Variants in BMAL1 observed in about 807,000 individuals in gnomAD.
BMAL1 encodes the protein basic helix-loop-helix ARNT like 1.
chr11:13,365,540 G>C, the BMAL1 span: 1 of 1,613,716 alleles, frequency 6.2e-7, no homozygotes, highest in East Asian at 2.2e-5. Flanking sequence ...TGTGACCGAG[G>C]GAAGATACTC....
chr11:13,299,957 G>T, the BMAL1 span, among the ~76,000 whole-genome samples: 1 of 152,180 alleles, frequency 6.6e-6, no homozygotes, highest in Non-Finnish European at 1.5e-5. Flanking sequence ...GTGTCCGAGG[G>T]GCTGAAAGTT....
At chr11:13,290,169 G>A in the BMAL1 span, among the ~76,000 whole-genome samples, 1 of 152,140 alleles carries the variant, frequency 6.6e-6, no homozygotes, top group Non-Finnish European at 1.5e-5. Context: ...TCTGTTGGCT[G>A]CATAAATGTC....
the BMAL1 span, among the ~76,000 whole-genome samples, chr11:13,307,085 C>T: frequency 0.072 from 10,927 of 152,154 alleles, 510 homozygotes; most frequent in East Asian, 0.16. Context: ...TAATCTAGGC[C>T]GGATCGTCTG....
chr11:13,312,757 A>G, the BMAL1 span, among the ~76,000 whole-genome samples: 1 of 152,198 alleles, frequency 6.6e-6, no homozygotes, highest in African/African-American at 2.4e-5. Flanking sequence ...AGAATCTGGC[A>G]TGTAGTATGT....
At chr11:13,357,020 T>C in the BMAL1 span, 5 of 1,614,068 alleles carry the variant, frequency 3.1e-6, no homozygotes, top group African/African-American at 5.3e-5. This position sits in a 1 kb window ranked among gnomAD's most constrained non-coding sequence, Gnocchi z 4.8. Context: ...CTCCAGAGAA[T>C]TATGTTTTTA....
chr11:13,310,295 G>T, the BMAL1 span, among the ~76,000 whole-genome samples: 1 of 152,176 alleles, frequency 6.6e-6, no homozygotes, highest in Non-Finnish European at 1.5e-5. Context: ...GCGGGGGATG[G>T]ATGCAGCGGG....
At chr11:13,314,538 T>C in the BMAL1 span, among the ~76,000 whole-genome samples, 1 of 152,202 alleles carries the variant, frequency 6.6e-6, no homozygotes, top group East Asian at 1.9e-4. Context: ...GGAATGTCTC[T>C]TCTCTATATT....
At chr11:13,348,266 G>T in the BMAL1 span, among the ~76,000 whole-genome samples, 1 of 152,196 alleles carries the variant, frequency 6.6e-6, no homozygotes, top group Non-Finnish European at 1.5e-5. Context: ...TTAGTCTGTC[G>T]GGGGGCTTTG....
chr11:13,372,597 C>G, the BMAL1 span, among the ~76,000 whole-genome samples: 24 of 152,214 alleles, frequency 1.6e-4, no homozygotes, highest in Admixed American at 1.4e-3. Context: ...ATCACTTGAG[C>G]CCAGGAGTTT....
the BMAL1 span, among the ~76,000 whole-genome samples, chr11:13,341,501 G>C: frequency 6.6e-6 from 1 of 152,188 alleles, no homozygotes; most frequent in Admixed American, 6.5e-5. Flanking sequence ...AGCCTGTCTT[G>C]TTGGCATCCC....
the BMAL1 span, among the ~76,000 whole-genome samples, chr11:13,282,258 C>T: frequency 1.3e-3 from 203 of 152,332 alleles, no homozygotes; most frequent in Non-Finnish European, 2.1e-3. Flanking sequence ...TTCTTTTGCT[C>T]TCTATGCCTT....
At chr11:13,385,518 G>C in the BMAL1 span, among the ~76,000 whole-genome samples, 7 of 152,250 alleles carry the variant, frequency 4.6e-5, no homozygotes, top group East Asian at 7.7e-4. Flanking sequence ...TCGGGGGAGA[G>C]GTTTTTTCTT....
the BMAL1 span, chr11:13,355,332 C>T: frequency 1.9e-6 from 3 of 1,602,168 alleles, no homozygotes; most frequent in Non-Finnish European, 2.6e-6. Flanking sequence ...AGCCAACACC[C>T]AGGGGCTGGA....
At chr11:13,365,448 A>C in the BMAL1 span, 2 of 1,529,466 alleles carry the variant, frequency 1.3e-6, no homozygotes, top group African/African-American at 2.7e-5. Context: ...GGGTGATTAC[A>C]AATTATGTTT....
At chr11:13,360,577 A>G in the BMAL1 span, among the ~76,000 whole-genome samples, 1 of 152,052 alleles carries the variant, frequency 6.6e-6, no homozygotes, top group Non-Finnish European at 1.5e-5. Flanking sequence ...TTGTTTGGAC[A>G]GGCTTCACAT....
At chr11:13,369,878 G>A in the BMAL1 span, 1 of 1,379,986 alleles carries the variant, frequency 7.2e-7, no homozygotes, top group Non-Finnish European at 9.8e-7. Flanking sequence ...AGAGTGGCAG[G>A]TCCCAGGACT....
the BMAL1 span, among the ~76,000 whole-genome samples, chr11:13,366,959 C>T: frequency 6.6e-6 from 1 of 152,036 alleles, no homozygotes; most frequent in Non-Finnish European, 1.5e-5. Flanking sequence ...GTTCTTTGGT[C>T]TTTTACATAA....
At chr11:13,285,656 A>G in the BMAL1 span, among the ~76,000 whole-genome samples, 169 of 152,284 alleles carry the variant, frequency 1.1e-3, no homozygotes, top group African/African-American at 3.8e-3. Context: ...AGTAAAGGCT[A>G]GTGTGACTCG....
the BMAL1 span, chr11:13,378,379 G>A: frequency 6.2e-7 from 1 of 1,613,186 alleles, no homozygotes; most frequent in Non-Finnish European, 8.5e-7. Flanking sequence ...GGGATTCCAG[G>A]GGGAACCCGG....
Sources: allele counts gnomAD v4.1 joint callset (sites outside exome capture counted in the v4.1 genomes callset), GRCh38; gene constraint gnomAD v4.1.1; non-coding constraint Gnocchi (gnomAD v3.1); transcripts MANE v1.5; gene names NCBI Gene and HGNC (gene_info 2026-07-23, HGNC 2026-07-21).